BRD10: variants seen among roughly 807,000 people sequenced by gnomAD.
BRD10 encodes the protein bromodomain containing 10, also known as uncharacterized bromodomain-containing protein 10.
chr9:5,899,949 G>C, the BRD10 span, among the ~76,000 whole-genome samples: 1 of 152,154 alleles, frequency 6.6e-6, no homozygotes, highest in East Asian at 1.9e-4. Context: ...TTGGAAATCT[G>C]TGATGTAACA....
At chr9:5,979,366 T>G in the BRD10 span, among the ~76,000 whole-genome samples, 1 of 151,896 alleles carries the variant, frequency 6.6e-6, no homozygotes, top group African/African-American at 2.4e-5. Flanking sequence ...ATGTAAAAAT[T>G]TGCCAAGTGT....
chr9:5,958,975 A>G, the BRD10 span, among the ~76,000 whole-genome samples: 3 of 152,270 alleles, frequency 2.0e-5, no homozygotes, highest in South Asian at 4.1e-4. Flanking sequence ...GACCTTAACA[A>G]AACAGTTTAT....
At chr9:5,882,885 C>T in the BRD10 span, among the ~76,000 whole-genome samples, 1 of 152,148 alleles carries the variant, frequency 6.6e-6, no homozygotes, top group African/African-American at 2.4e-5. Context: ...TGGAAACCAT[C>T]ATTCTCAGTA....
At chr9:5,920,212 G>C in the BRD10 span, 5 of 1,613,244 alleles carry the variant, frequency 3.1e-6, no homozygotes, top group Admixed American at 6.7e-5. Flanking sequence ...GAATGCCTTG[G>C]CCACTGTTAA....
the BRD10 span, among the ~76,000 whole-genome samples, chr9:5,979,516 C>A: frequency 6.6e-6 from 1 of 150,946 alleles, no homozygotes; most frequent in African/African-American, 2.4e-5. Context: ...TCAAAAAAAA[C>A]CCACAAACAA....
the BRD10 span, among the ~76,000 whole-genome samples, chr9:6,005,900 G>C: frequency 6.6e-6 from 1 of 152,164 alleles, no homozygotes; most frequent in East Asian, 1.9e-4. Flanking sequence ...GATTCAAGAA[G>C]AGGTTCCTTA....
At chr9:5,966,403 G>A in the BRD10 span, among the ~76,000 whole-genome samples, 1 of 149,342 alleles carries the variant, frequency 6.7e-6, no homozygotes, top group African/African-American at 2.5e-5. Flanking sequence ...ATTGAGTTGG[G>A]AAGTAGTTCT....
chr9:5,903,657 A>C, the BRD10 span, among the ~76,000 whole-genome samples: 1 of 152,024 alleles, frequency 6.6e-6, no homozygotes. Flanking sequence ...ATCAGTTTTT[A>C]TCTCATGTAT....
At chr9:5,994,544 C>T in the BRD10 span, among the ~76,000 whole-genome samples, 8 of 152,172 alleles carry the variant, frequency 5.3e-5, no homozygotes, top group African/African-American at 1.9e-4. Flanking sequence ...TTTCGTCTTC[C>T]TTCAGACCTC....
chr9:5,960,572 AAAAAAG>A, the BRD10 span, among the ~76,000 whole-genome samples: 4 of 151,958 alleles, frequency 2.6e-5, no homozygotes, highest in African/African-American at 4.8e-5. Flanking sequence ...CAAAAAAAAA[AAAAAAG>A]AAAAGAAAAG....
At chr9:5,967,263 T>A in the BRD10 span, among the ~76,000 whole-genome samples, 2 of 152,186 alleles carry the variant, frequency 1.3e-5, no homozygotes, top group African/African-American at 4.8e-5. Flanking sequence ...ATCTCACTTA[T>A]GTGCTTGATA....
the BRD10 span, among the ~76,000 whole-genome samples, chr9:5,967,730 T>C: frequency 7.0e-6 from 1 of 142,578 alleles, no homozygotes; most frequent in Non-Finnish European, 1.5e-5. Flanking sequence ...TCATAAGCGA[T>C]GGGAAAGAAA....
At chr9:5,896,452 G>A in the BRD10 span, among the ~76,000 whole-genome samples, 2 of 152,148 alleles carry the variant, frequency 1.3e-5, no homozygotes, top group African/African-American at 2.4e-5. Context: ...GTTTGGAGAC[G>A]GACAGGATAA....
At chr9:5,968,082 G>C in the BRD10 span, 15 of 1,561,590 alleles carry the variant, frequency 9.6e-6, no homozygotes, top group South Asian at 9.4e-5. Flanking sequence ...TGGATCTCAG[G>C]TTTGTAAGAC....
the BRD10 span, among the ~76,000 whole-genome samples, chr9:5,980,141 C>G: frequency 2.0e-5 from 3 of 151,572 alleles, no homozygotes; most frequent in African/African-American, 7.3e-5. Flanking sequence ...TCATTATAAA[C>G]AGAATGTGGT....
At chr9:5,994,708 C>G in the BRD10 span, among the ~76,000 whole-genome samples, 3 of 152,162 alleles carry the variant, frequency 2.0e-5, no homozygotes, top group African/African-American at 7.2e-5. Context: ...TAGCCTCTCT[C>G]TTAAATCTCA....
the BRD10 span, chr9:5,907,115 C>G: frequency 1.9e-6 from 1 of 537,600 alleles, no homozygotes; most frequent in Non-Finnish European, 3.0e-6. Flanking sequence ...TGCCACTGAA[C>G]TATATACACC....
At chr9:5,925,269 G>C in the BRD10 span, among the ~76,000 whole-genome samples, 1 of 150,020 alleles carries the variant, frequency 6.7e-6, no homozygotes, top group African/African-American at 2.5e-5. Context: ...TGAGGGACGA[G>C]AACTGCTTGA....
At chr9:5,884,170 G>C in the BRD10 span, among the ~76,000 whole-genome samples, 1 of 152,186 alleles carries the variant, frequency 6.6e-6, no homozygotes, top group African/African-American at 2.4e-5. Flanking sequence ...ATGATTTACA[G>C]TTTACACAAT....
Sources: gnomAD v4.1 joint callset for allele counts (sites outside exome capture counted in the v4.1 genomes callset) on GRCh38, gnomAD v4.1.1 for gene constraint, MANE v1.5 for transcripts, NCBI Gene and HGNC (gene_info 2026-07-23, HGNC 2026-07-21) for gene names.